The following TCF7L2 variants were observed in gnomAD, a reference collection of about 807,000 sequenced individuals.
The protein encoded by TCF7L2 is transcription factor 7-like 2.
Under a neutral mutation model 77.9 loss-of-function variants are expected in TCF7L2, and 23 were observed. That is an observed-to-expected ratio of 0.30 (90% CI 0.21 to 0.42). The LOEUF is 0.42. Among genes scored for constraint, TCF7L2 ranks in the 10% least tolerant of loss-of-function variants. The probability of loss-of-function intolerance (pLI) is 1.00; values close to 1 mark genes in which losing one functional copy is unlikely to be tolerated. For missense variants in TCF7L2, 654 were observed against 793.1 expected (o/e 0.82, Z 2.11); for synonymous variants, 413 against 340.2 (o/e 1.21, Z -2.36).
chr10:113,037,135 G>A (rs534003964), intron 4 of TCF7L2, among the ~76,000 whole-genome samples: 1 of 152,210 alleles, frequency 6.6e-6, no homozygotes, highest in Admixed American at 6.5e-5. Context: ...ACCAATTGTA[G>A]AAGATGAAGG....
intron 5 of TCF7L2, among the ~76,000 whole-genome samples, chr10:113,090,873 G>C (rs1246038270): frequency 6.6e-6 from 1 of 152,154 alleles, no homozygotes; most frequent in Non-Finnish European, 1.5e-5. Flanking sequence ...CTCCCAAACT[G>C]CTGGGATTAC....
intron 5 of TCF7L2, among the ~76,000 whole-genome samples, chr10:113,040,637 G>T (rs1013229531): frequency 1.3e-5 from 2 of 152,176 alleles, no homozygotes; most frequent in Non-Finnish European, 2.9e-5. Flanking sequence ...GAGTAGAAAT[G>T]AACTTTGAAA....
At chr10:112,998,851 T>C (rs1340406577) in intron 4 of TCF7L2, among the ~76,000 whole-genome samples, 1 of 152,242 alleles carries the variant, frequency 6.6e-6, no homozygotes, top group African/African-American at 2.4e-5. Context: ...CTTTTGCATG[T>C]CTTTGTATTT....
chr10:113,154,981 TA>T (rs1354943667), intron 11 of TCF7L2, among the ~76,000 whole-genome samples: 18 of 66,338 alleles, frequency 2.7e-4, no homozygotes, highest in African/African-American at 1.5e-3. Flanking sequence ...ACTTAACTAG[TA>T]TTTTTTTTTT....
Position 113,094,234 on chromosome 10 carries a change from G to A in TCF7L2, c.553-46950G>A, listed in dbSNP as rs1265383671. Among the ~76,000 whole-genome samples the A allele has an allele frequency of 2.6e-5, 4 of 152,192 alleles. 1 individual carries two copies. Among genetic ancestry groups the A allele is most frequent in the Admixed American group, 2.0e-4 (3 of 15,292 alleles). ...ACATAAACAGGGAGTTAGCCATTTTGGTGAGAGGAAATGAAACTTTTCTTG... is the reference window on the plus strand; with the variant it reads ...ACATAAACAGGGAGTTAGCCATTTTAGTGAGAGGAAATGAAACTTTTCTTG... On this transcript the variant is annotated intron_variant, in intron 5 of 13. Transcript: ENST00000627217.
At chr10:112,979,335 G>T (rs1248060647) in intron 4 of TCF7L2, among the ~76,000 whole-genome samples, 6 of 152,190 alleles carry the variant, frequency 3.9e-5, no homozygotes, top group Admixed American at 1.3e-4. Context: ...ACAGTTCATT[G>T]TATGAGGTCA....
chr10:113,101,797 T>A (rs528649192), intron 5 of TCF7L2, among the ~76,000 whole-genome samples: 64 of 126,666 alleles, frequency 5.1e-4, no homozygotes, highest in African/African-American at 1.9e-3. Flanking sequence ...GAGCCGAGAT[T>A]GTGCCACTGC....
At chr10:113,008,405 G>A (rs1445612577) in intron 4 of TCF7L2, among the ~76,000 whole-genome samples, 4 of 152,164 alleles carry the variant, frequency 2.6e-5, no homozygotes, top group African/African-American at 9.6e-5. Flanking sequence ...GCGGCACTCA[G>A]CGTCACCTTT....
Position 112,950,857 on chromosome 10 carries a change from ACTC to A in TCF7L2, c.105_107del (p.Ser36del). 1 of 1,609,890 alleles carries A rather than the reference ACTC, an allele frequency of 6.2e-7. No homozygotes were observed. Reference sequence around the variant, plus strand: ...GAACAGGAGGAGAAGAGCTCCGAAAACTCCTCGGCAGAGAGGGATTTAGCTGAT... The same window carrying A: ...GAACAGGAGGAGAAGAGCTCCGAAAACTCGGCAGAGAGGGATTTAGCTGAT... On this transcript the variant is annotated inframe_deletion, in exon 1 of 14. Coordinates refer to ENST00000627217, the MANE Select transcript of TCF7L2 (RefSeq NM_001146274.2).
At chr10:113,001,922 G>A (rs2044558999) in intron 4 of TCF7L2, among the ~76,000 whole-genome samples, 1 of 152,206 alleles carries the variant, frequency 6.6e-6, no homozygotes, top group African/African-American at 2.4e-5. Context: ...TAGGCAGGAA[G>A]GGCTTTTAAG....
At chr10:113,115,639 A>AATGGAAGGCTGAAG (rs1213499673) in intron 5 of TCF7L2, among the ~76,000 whole-genome samples, 5 of 152,174 alleles carry the variant, frequency 3.3e-5, no homozygotes, top group Admixed American at 6.5e-5. Flanking sequence ...ATGCTGTTGA[A>AATGGAAGGCTGAAG]ATGGAAGGCT....
chr10:113,163,527 T>C (rs1366345450), intron 13 of TCF7L2, among the ~76,000 whole-genome samples: 1 of 152,160 alleles, frequency 6.6e-6, no homozygotes, highest in Non-Finnish European at 1.5e-5. Context: ...CTCCCATTTT[T>C]AAAATGCATG....
intron 4 of TCF7L2, among the ~76,000 whole-genome samples, chr10:112,990,747 C>T (rs149639399): frequency 5.9e-4 from 90 of 152,258 alleles, no homozygotes; most frequent in African/African-American, 1.9e-3. Context: ...AAAAAATTAG[C>T]TAGCCAAGCT....
chr10:113,100,182 C>A (rs1179763542), intron 5 of TCF7L2, among the ~76,000 whole-genome samples: 1 of 152,200 alleles, frequency 6.6e-6, no homozygotes, highest in Non-Finnish European at 1.5e-5. Flanking sequence ...TCATTTTTAA[C>A]AACCACACAC....
intron 5 of TCF7L2, among the ~76,000 whole-genome samples, chr10:113,090,423 C>CA (rs758964826): frequency 2.0e-5 from 3 of 152,186 alleles, no homozygotes; most frequent in Non-Finnish European, 4.4e-5. Context: ...GCAGTGCCTC[C>CA]AGCAGGCAGA....
chr10:113,105,669 A>G (rs898257323), intron 5 of TCF7L2, among the ~76,000 whole-genome samples: 6 of 152,066 alleles, frequency 3.9e-5, no homozygotes, highest in African/African-American at 7.2e-5. Flanking sequence ...TGCTCATTCA[A>G]CATCAAGTCT....
At chr10:112,965,763 G>A (rs1564721241) in intron 4 of TCF7L2, among the ~76,000 whole-genome samples, 2 of 151,896 alleles carry the variant, frequency 1.3e-5, no homozygotes, top group South Asian at 4.1e-4. Flanking sequence ...CCAGATAGCT[G>A]TTTGCCCCAG....
At chr10:112,970,068 C>T (rs1328521270) in intron 4 of TCF7L2, among the ~76,000 whole-genome samples, 1 of 152,166 alleles carries the variant, frequency 6.6e-6, no homozygotes, top group Non-Finnish European at 1.5e-5. Context: ...AATGTTTTAA[C>T]ACCAAGTCAG....
In TCF7L2 at chr10:113,065,671, G is replaced by C. The variant is rs1466619058; in HGVS notation, c.552+25545G>C. ...TTTAGAGATGGACAGGTTTTGGTTTGGGCTCTGGCTCAGCTGCCTCCTTGC... is the reference window on the plus strand; with the variant it reads ...TTTAGAGATGGACAGGTTTTGGTTTCGGCTCTGGCTCAGCTGCCTCCTTGC... On this transcript the variant is annotated intron_variant, in intron 5 of 13. Transcript: ENST00000627217. Among the ~76,000 whole-genome samples the C allele has an allele frequency of 2.0e-5, 3 of 152,110 alleles. No homozygotes were observed. The East Asian group carries it at 5.8e-4, about 29-fold the overall frequency.
Sources: allele counts gnomAD v4.1 joint callset (sites outside exome capture counted in the v4.1 genomes callset), GRCh38; gene constraint gnomAD v4.1.1; transcripts MANE v1.5; gene names NCBI Gene and HGNC (gene_info 2026-07-23, HGNC 2026-07-21).